THSD7B: variants seen among roughly 807,000 people sequenced by gnomAD.
The protein encoded by THSD7B is thrombospondin type-1 domain-containing protein 7B.
A neutral mutation model predicts 213.6 loss-of-function variants in THSD7B; 138 were observed. The observed-to-expected ratio is 0.65, with a 90% CI of 0.56 to 0.74. THSD7B has a LOEUF of 0.74. THSD7B is among the 30% of genes least tolerant of loss of function. The pLI, the probability that THSD7B is intolerant of heterozygous loss-of-function variation, is 0.00. For synonymous variants in THSD7B, 742 were observed against 687.0 expected (o/e 1.08, Z -1.25); for missense variants, 1,931 against 1,991.5 (o/e 0.97, Z 0.58).
chr2:137,150,783 A>C (rs1281607419), intron 5 of THSD7B, among the ~76,000 whole-genome samples: 1 of 152,140 alleles, frequency 6.6e-6, no homozygotes, highest in South Asian at 2.1e-4. Flanking sequence ...TCTAGTTGGG[A>C]TAGTCCACTC....
intron 15 of THSD7B, among the ~76,000 whole-genome samples, chr2:137,452,299 A>G (rs1273589470): frequency 3.3e-5 from 5 of 152,226 alleles, no homozygotes; most frequent in African/African-American, 1.2e-4. Flanking sequence ...TCAATGTAAA[A>G]GTTGGAAAAA....
intron 12 of THSD7B, among the ~76,000 whole-genome samples, chr2:137,358,902 A>C (rs1289906945): frequency 2.0e-5 from 3 of 152,168 alleles, no homozygotes; most frequent in Non-Finnish European, 4.4e-5. Context: ...TTGCTTGTGA[A>C]TGTTTGTGTT....
chr2:137,073,204 G>C (rs1687537888), intron 3 of THSD7B, among the ~76,000 whole-genome samples: 3 of 152,068 alleles, frequency 2.0e-5, no homozygotes, highest in Admixed American at 6.6e-5. Flanking sequence ...TGTACCTCTG[G>C]TAGAATTCGG....
chr2:136,860,310 C>G (rs1683240423), intron 1 of THSD7B, among the ~76,000 whole-genome samples: 2 of 152,030 alleles, frequency 1.3e-5, no homozygotes, highest in African/African-American at 4.8e-5. Flanking sequence ...CTAACTTGTC[C>G]TCATCCAATA....
At chr2:137,650,050 C>A (rs1238330370) in intron 21 of THSD7B, among the ~76,000 whole-genome samples, 1 of 151,980 alleles carries the variant, frequency 6.6e-6, no homozygotes, top group Non-Finnish European at 1.5e-5. Context: ...TGTAATGAGT[C>A]CCGATTATGC....
chr2:137,145,619 T>A (rs1679680930), intron 5 of THSD7B, among the ~76,000 whole-genome samples: 1 of 152,086 alleles, frequency 6.6e-6, no homozygotes, highest in South Asian at 2.1e-4. Flanking sequence ...CTGCCAAATA[T>A]TAGCCATAAT....
At chr2:137,482,040 T>G (rs953405127) in intron 15 of THSD7B, among the ~76,000 whole-genome samples, 57 of 152,040 alleles carry the variant, frequency 3.7e-4, no homozygotes, top group African/African-American at 1.3e-3. Flanking sequence ...TAGCTGGGCG[T>G]GGTGGCAGAT....
At chr2:137,190,894 C>T (rs899735066) in intron 7 of THSD7B, among the ~76,000 whole-genome samples, 9 of 152,318 alleles carry the variant, frequency 5.9e-5, no homozygotes, top group East Asian at 3.9e-4. Context: ...GACAGTCTGG[C>T]GGCTGTTTGC....
At chr2:137,656,771 C>T (rs1683243879) in intron 22 of THSD7B, 25 bp from the exon 23 acceptor site, 5 of 1,586,672 alleles carry the variant, frequency 3.2e-6, no homozygotes, top group African/African-American at 1.4e-5. Context: ...CTGTTTTCTC[C>T]ACCCTGTACT....
At chr2:137,514,337 G>GA (rs1478279968) in intron 15 of THSD7B, among the ~76,000 whole-genome samples, 4 of 152,162 alleles carry the variant, frequency 2.6e-5, no homozygotes, top group Non-Finnish European at 4.4e-5. Flanking sequence ...GCAGGCAGAA[G>GA]AATGTGGAGA....
chr2:137,246,286 T>C (rs1682035679), intron 10 of THSD7B, among the ~76,000 whole-genome samples: 1 of 152,180 alleles, frequency 6.6e-6, no homozygotes, highest in South Asian at 2.1e-4. Flanking sequence ...GTTATGTCTG[T>C]GGTCTTCAAA....
intron 5 of THSD7B, among the ~76,000 whole-genome samples, chr2:137,133,993 C>G (rs1688786512): frequency 6.6e-6 from 1 of 152,144 alleles, no homozygotes; most frequent in South Asian, 2.1e-4. Context: ...TCTCTCAGAA[C>G]CTGGAAATAA....
At chr2:137,668,924 C>T (rs1056630222) in intron 27 of THSD7B, among the ~76,000 whole-genome samples, 2 of 151,940 alleles carry the variant, frequency 1.3e-5, no homozygotes, top group Non-Finnish European at 1.5e-5. Context: ...GGGCTGTTTG[C>T]CTTATTGTCT....
chr2:137,660,681 A>C (rs1283580422), intron 25 of THSD7B, among the ~76,000 whole-genome samples: 2 of 152,166 alleles, frequency 1.3e-5, no homozygotes, highest in Non-Finnish European at 2.9e-5. Flanking sequence ...CATATGACTG[A>C]CTGGTTACAA....
At chr2:137,486,806 G>C (rs1418796848) in intron 15 of THSD7B, among the ~76,000 whole-genome samples, 1 of 152,186 alleles carries the variant, frequency 6.6e-6, no homozygotes, top group East Asian at 1.9e-4. Context: ...TCAGACCACA[G>C]TGCAATCAAA....
At chr2:137,023,983 A>G (rs1216415724) in intron 2 of THSD7B, among the ~76,000 whole-genome samples, 1 of 151,698 alleles carries the variant, frequency 6.6e-6, no homozygotes, top group Non-Finnish European at 1.5e-5. Context: ...TTTTGCTTCA[A>G]TCCACTCCTG....
At chr2:137,333,023 C>T (rs1684550360) in intron 12 of THSD7B, among the ~76,000 whole-genome samples, 1 of 152,144 alleles carries the variant, frequency 6.6e-6, no homozygotes, top group Non-Finnish European at 1.5e-5. Context: ...CCTGTAGTAT[C>T]AATTGTGTGG....
At chr2:137,439,778 T>C (rs1184161032) in intron 14 of THSD7B, among the ~76,000 whole-genome samples, 1 of 152,162 alleles carries the variant, frequency 6.6e-6, no homozygotes, top group Admixed American at 6.6e-5. Flanking sequence ...ATGAAAACTT[T>C]TCGAGGTACA....
intron 17 of THSD7B, among the ~76,000 whole-genome samples, chr2:137,611,868 G>A (rs896111054): frequency 6.6e-6 from 1 of 152,084 alleles, no homozygotes; most frequent in African/African-American, 2.4e-5. Flanking sequence ...GGGAGACAAG[G>A]TATGATCTCT....
Sources: gnomAD v4.1 joint callset for allele counts (sites outside exome capture counted in the v4.1 genomes callset) on GRCh38, gnomAD v4.1.1 for gene constraint, MANE v1.5 for transcripts, NCBI Gene and HGNC (gene_info 2026-07-23, HGNC 2026-07-21) for gene names.